Variants in TOP6BL observed in about 807,000 individuals in gnomAD.
The protein encoded by TOP6BL is TOP6B like initiator of meiotic double strand breaks, also known as type 2 DNA topoisomerase 6 subunit B-like.
the TOP6BL span, among the ~76,000 whole-genome samples, chr11:66,795,206 A>G: frequency 1.3e-5 from 2 of 152,018 alleles, no homozygotes; most frequent in South Asian, 4.1e-4. Flanking sequence ...GTGAGGTAGT[A>G]TATATATAGC....
the TOP6BL span, among the ~76,000 whole-genome samples, chr11:66,772,840 G>C: frequency 6.6e-6 from 1 of 152,124 alleles, no homozygotes; most frequent in Non-Finnish European, 1.5e-5. Context: ...TAATGTCTTT[G>C]TCTTTTTTTG....
At chr11:66,757,046 G>T in the TOP6BL span, among the ~76,000 whole-genome samples, 10 of 151,376 alleles carry the variant, frequency 6.6e-5, no homozygotes, top group African/African-American at 1.9e-4. Context: ...AGGCGGCGGT[G>T]GGGGGTGGGG....
the TOP6BL span, chr11:66,796,429 C>T: frequency 8.2e-6 from 10 of 1,222,038 alleles, no homozygotes; most frequent in African/African-American, 4.5e-5. Context: ...GAGACCTTTA[C>T]TGTGTAGGAC....
the TOP6BL span, chr11:66,828,538 C>T: frequency 3.5e-6 from 2 of 570,572 alleles, no homozygotes; most frequent in East Asian, 5.9e-5. Context: ...GAATGACTAT[C>T]CCACTGGTTG....
chr11:66,760,625 CAAAAAAAAAAA>C, the TOP6BL span, among the ~76,000 whole-genome samples: 35 of 54,154 alleles, frequency 6.5e-4, no homozygotes, highest in African/African-American at 9.9e-4. Context: ...CCCATCTTTA[CAAAAAAAAAAA>C]AAAAAAAAAA....
the TOP6BL span, among the ~76,000 whole-genome samples, chr11:66,757,824 G>A: frequency 6.6e-6 from 1 of 152,098 alleles, no homozygotes; most frequent in East Asian, 1.9e-4. Flanking sequence ...CTGACCTCAG[G>A]TGATCCACCC....
the TOP6BL span, chr11:66,756,531 C>G: frequency 9.8e-7 from 1 of 1,016,176 alleles, no homozygotes; most frequent in Non-Finnish European, 1.2e-6. Context: ...ACCTGCTCCA[C>G]ATCCTATCCA....
At chr11:66,750,100 T>C in the TOP6BL span, among the ~76,000 whole-genome samples, 597 of 152,306 alleles carry the variant, frequency 3.9e-3, 7 homozygotes, top group African/African-American at 0.014. Context: ...GTTATCAATA[T>C]CCATTTTTTA....
chr11:66,777,493 T>C, the TOP6BL span, among the ~76,000 whole-genome samples: 1 of 152,206 alleles, frequency 6.6e-6, no homozygotes, highest in African/African-American at 2.4e-5. Flanking sequence ...AATATCTTAA[T>C]GCATATAGCT....
the TOP6BL span, among the ~76,000 whole-genome samples, chr11:66,839,472 T>C: frequency 6.6e-6 from 1 of 152,206 alleles, no homozygotes; most frequent in South Asian, 2.1e-4. Flanking sequence ...AAACAGTATC[T>C]GGGTCAAGGG....
At chr11:66,812,590 C>G in the TOP6BL span, among the ~76,000 whole-genome samples, 14 of 152,238 alleles carry the variant, frequency 9.2e-5, no homozygotes, top group African/African-American at 3.4e-4. Flanking sequence ...TAAAGCCTTT[C>G]CATAATGCCT....
chr11:66,793,576 C>G, the TOP6BL span, among the ~76,000 whole-genome samples: 2 of 151,084 alleles, frequency 1.3e-5, no homozygotes, highest in Non-Finnish European at 2.9e-5. Context: ...TCCCGAGTAG[C>G]TGGGATCACA....
chr11:66,750,013 A>G, the TOP6BL span, among the ~76,000 whole-genome samples: 1,646 of 152,256 alleles, frequency 0.011, 37 homozygotes, highest in African/African-American at 0.037. Context: ...CATTGAGTAT[A>G]TATTCTAGAT....
chr11:66,789,725 C>T, the TOP6BL span, among the ~76,000 whole-genome samples: 1 of 152,086 alleles, frequency 6.6e-6, no homozygotes, highest in Admixed American at 6.5e-5. Context: ...TGTAAGCATC[C>T]TGACAAGTCT....
the TOP6BL span, among the ~76,000 whole-genome samples, chr11:66,838,922 G>A: frequency 2.3e-4 from 35 of 152,180 alleles, no homozygotes; most frequent in African/African-American, 7.5e-4. Flanking sequence ...TAGTAGAGAC[G>A]GGGTTTCACC....
chr11:66,801,234 A>T, the TOP6BL span: 2 of 925,658 alleles, frequency 2.2e-6, no homozygotes, highest in Non-Finnish European at 3.3e-6. Flanking sequence ...TAAGAAAAGC[A>T]GAAGTAAAAC....
At chr11:66,806,262 CT>C in the TOP6BL span, among the ~76,000 whole-genome samples, 1 of 152,184 alleles carries the variant, frequency 6.6e-6, no homozygotes, top group Non-Finnish European at 1.5e-5. Flanking sequence ...ACTTCCTCTG[CT>C]TTAAAATGAG....
the TOP6BL span, chr11:66,839,249 C>G: frequency 2.2e-6 from 1 of 455,022 alleles, no homozygotes; most frequent in Non-Finnish European, 4.4e-6. Flanking sequence ...GCTCTTAGTT[C>G]TCAAAACTAT....
At chr11:66,811,468 A>T in the TOP6BL span, among the ~76,000 whole-genome samples, 1 of 152,228 alleles carries the variant, frequency 6.6e-6, no homozygotes, top group African/African-American at 2.4e-5. Context: ...CTGGGACTAC[A>T]GGCATGAGCT....
Sources: allele counts gnomAD v4.1 joint callset (sites outside exome capture counted in the v4.1 genomes callset), GRCh38; gene constraint gnomAD v4.1.1; transcripts MANE v1.5; gene names NCBI Gene and HGNC (gene_info 2026-07-23, HGNC 2026-07-21).